The following MUCL3 variants were observed in gnomAD, a reference collection of about 807,000 sequenced individuals.
MUCL3 encodes the protein mucin-like protein 3.
MUCL3 carries 42 observed loss-of-function variants against 70.2 expected under a neutral mutation model. The observed-to-expected ratio is 0.60, with a 90% CI of 0.47 to 0.77. MUCL3 has a LOEUF of 0.77. Ranked by LOEUF, MUCL3 falls within the 30% of genes least tolerant of loss-of-function variation. The probability of loss-of-function intolerance (pLI) is 0.00; values close to 1 mark genes in which losing one functional copy is unlikely to be tolerated. For missense variants in MUCL3, 1,429 were observed against 1,670.0 expected, an observed-to-expected ratio of 0.86 and a Z score of 2.52; for synonymous variants, 522 against 647.0, an observed-to-expected ratio of 0.81 and a Z score of 2.93.
intron 1 of MUCL3, among the ~76,000 whole-genome samples, chr6:30,947,945 G>C (rs2150611961): frequency 6.6e-6 from 1 of 152,258 alleles, no homozygotes; most frequent in East Asian, 1.9e-4. Context: ...AGTTCTGCCA[G>C]AGGTCTTACC....
Position 30,948,809 on chromosome 6 carries a change from T to C in MUCL3, c.345T>C (p.His115=), listed in dbSNP as rs1296496530. The change falls in exon 2 of 3, where the codon CAT becomes CAC. Residue 115 remains histidine, a synonymous_variant. Coordinates refer to ENST00000462446, the MANE Select transcript of MUCL3 (RefSeq NM_080870.4). ...ACCACAAAAGCTCTACAGATAATCA[T>C]GAGGCTCCTCCCACTTCTGAAGAAA... is the stretch of plus-strand genomic sequence containing the variant. ...TIDHKSSTDN[H]EAPPTSEENS... is the part of the protein sequence containing the mutation. 5 of 1,551,642 alleles carry C rather than the reference T, an allele frequency of 3.2e-6. No individual in the cohort carries two copies. Among genetic ancestry groups the C allele is most frequent in the African/African-American group, 2.7e-5 (2 of 73,134 alleles).
At position 30,950,885 on chromosome 6, in the gene MUCL3, G is replaced by T; in HGVS notation, c.2421G>T (p.Arg807Ser). The T allele has an allele frequency of 6.5e-7, 1 of 1,546,234 alleles. No individual in the cohort carries two copies. The highest frequency in any genetic ancestry group is 1.2e-5 in the South Asian group (1 of 83,800). ...CAGAGCCTACAGAACACGCAGAAAG[G>T]ACTCCACTGGCCAATGAGAACACCA... is the stretch of plus-strand genomic sequence containing the variant. ...SSAEPTEHAE[R>S]TPLANENTTS... Residue 807 changes from arginine to serine, a missense_variant, in exon 2 of 3, where the codon AGG becomes AGT. By Grantham distance (110) the Arg-to-Ser change is moderately radical (BLOSUM62 -1). Transcript: ENST00000462446.
At position 30,948,702 on chromosome 6, in the gene MUCL3, A is replaced by G; in HGVS notation, c.238A>G (p.Ile80Val). 1 of 1,551,684 alleles carries G rather than the reference A, an allele frequency of 6.4e-7. No homozygotes were observed. Among genetic ancestry groups the G allele is most frequent in the African/African-American group, 1.4e-5 (1 of 73,138 alleles). Residue 80 changes from isoleucine (I) to valine (V), a missense_variant, in exon 2 of 3, where the codon ATC (isoleucine) becomes GTC (valine). Transcript: ENST00000462446. ...TCCAGAGCTCCCTAAATCTACAGAA[A>G]TCCATGAGCAAAAACGCCACTGCAA... ...RPPELPKSTE[I>V]HEQKRHCNTT...
At position 30,953,477 on chromosome 6, in the gene MUCL3, C is replaced by T. The variant is rs990880688; in HGVS notation, c.*360C>T. 3 of 268,530 alleles carry T rather than the reference C, an allele frequency of 1.1e-5. No individual in the cohort carries two copies. The highest frequency in any genetic ancestry group is 2.1e-5 in the Non-Finnish European group (3 of 141,564). The allele number at this position is 268,530 out of a possible 1,614,324, so 16.6% of individuals were successfully genotyped here. On this transcript the variant is annotated 3_prime_UTR_variant, in exon 3 of 3. Transcript: ENST00000462446. ...CCTTATAGGCAATGCCCCAGACTGA[C>T]TTGTGAGTGGGGTTTATGGGGAAAG...
chr6:30,948,376 G>C (rs879574464), intron 1 of MUCL3, among the ~76,000 whole-genome samples, 171 bp from the exon 2 acceptor site: 1 of 152,190 alleles, frequency 6.6e-6, no homozygotes, highest in African/African-American at 2.4e-5. Flanking sequence ...GGCACAGCCT[G>C]AGCCTAGGGG....
At position 30,949,312 on chromosome 6, in the gene MUCL3, C is replaced by T. The variant is rs1582257151; in HGVS notation, c.848C>T (p.Ala283Val). 1 of 1,551,782 alleles carries T rather than the reference C, an allele frequency of 6.4e-7. No homozygotes were observed. The highest frequency in any genetic ancestry group is 1.4e-5 in the African/African-American group (1 of 73,160). Residue 283 changes from alanine to valine, a missense_variant, in exon 2 of 3, where the codon GCA (alanine) becomes GTA (valine). Transcript: ENST00000462446. Reference protein sequence around the residue: ...ISANELTQSLAEPTEHGGRTA... With the variant: ...ISANELTQSLVEPTEHGGRTA... ...GCCAATGAGCTCACACAATCTCTAG[C>T]AGAGCCTACAGAACATGGAGGAAGG... is the stretch of plus-strand genomic sequence containing the variant.
intron 1 of MUCL3, among the ~76,000 whole-genome samples, chr6:30,947,239 T>G (rs1183764867): frequency 6.6e-6 from 1 of 152,156 alleles, no homozygotes; most frequent in Non-Finnish European, 1.5e-5. Flanking sequence ...ATTGGGACAG[T>G]GGAGTGCAGG....
chr6:30,950,781 A>G lies in MUCL3; in HGVS notation c.2317A>G (p.Thr773Ala). 1.9e-6 allele frequency: 3 copies of G among 1,549,480 alleles called. No homozygotes were observed. The highest frequency in any genetic ancestry group is 2.6e-6 in the Non-Finnish European group (3 of 1,146,736). The part of the protein sequence containing the change: ...GDRTPLANEK[T>A]TPSLAEPTEN... ...CAGGACTCCATTGGCCAATGAGAAG[A>G]CCACACCATCTCTAGCAGAGCCTAC... Residue 773 changes from threonine (T) to alanine (A), a missense_variant, in exon 2 of 3, where the codon ACC becomes GCC. Coordinates refer to ENST00000462446, the MANE Select transcript of MUCL3 (RefSeq NM_080870.4).
chr6:30,945,468 C>T (rs1305235431), intron 1 of MUCL3, among the ~76,000 whole-genome samples: 4 of 116,498 alleles, frequency 3.4e-5, no homozygotes, highest in Non-Finnish European at 3.5e-5. Context: ...TGAGACCCTG[C>T]GTCTTAAAAA....
In MUCL3 at chr6:30,950,532, A is replaced by C; in HGVS notation, c.2068A>C (p.Asn690His). 1.9e-6 allele frequency: 3 copies of C among 1,550,730 alleles called. No individual in the cohort carries two copies. Among genetic ancestry groups the C allele is most frequent in the Non-Finnish European group, 2.6e-6 (3 of 1,146,772 alleles). The stretch of plus-strand genomic sequence containing the variant: ...AAATGGACAAAGGACCCCATTTGCC[A>C]ATGAGAAAACCACATCATCCTCAGC... ...TENGQRTPFA[N>H]EKTTSSSAEP... Residue 690 changes from asparagine to histidine, a missense_variant, in exon 2 of 3, where the codon AAT (asparagine) becomes CAT (histidine). Transcript: ENST00000462446.
In MUCL3 at chr6:30,950,620, C is replaced by T; in HGVS notation, c.2156C>T (p.Ala719Val). 1.3e-6 allele frequency: 2 copies of T among 1,538,650 alleles called. No individual in the cohort carries two copies. The highest frequency in any genetic ancestry group is 1.8e-6 in the Non-Finnish European group (2 of 1,137,218). Reference protein sequence around the residue: ...LANENTTLSPAEPTENRERTA... With the variant: ...LANENTTLSPVEPTENRERTA... ...AATGAGAACACCACACTATCCCCAG[C>T]AGAGCCTACAGAAAATAGAGAAAGG... Residue 719 changes from alanine (A) to valine (V), a missense_variant, in exon 2 of 3, where the codon GCA (alanine) becomes GTA (valine). Ala to Val is a moderately conservative substitution (Grantham distance 64). Transcript: ENST00000462446.
chr6:30,949,094 C>T lies in MUCL3; in HGVS notation c.630C>T (p.Phe210=). Reference sequence around the variant, plus strand: ...GCTCACATAAGACTACAACTTCCTTCCACAACTCAGGCAATTCACAGACCA... The same window carrying T: ...GCTCACATAAGACTACAACTTCCTTTCACAACTCAGGCAATTCACAGACCA... ...STSSHKTTTS[F]HNSGNSQTKQ... The change falls in exon 2 of 3, where the codon TTC becomes TTT. Residue 210 remains phenylalanine, a synonymous_variant. Transcript: ENST00000462446. The T allele has an allele frequency of 6.4e-7, 1 of 1,550,908 alleles. No individual in the cohort carries two copies. The highest frequency in any genetic ancestry group is 8.7e-7 in the Non-Finnish European group (1 of 1,146,774).
intron 2 of MUCL3, 141 bp from the exon 3 acceptor site, chr6:30,952,830 G>T: frequency 8.6e-7 from 1 of 1,169,486 alleles, no homozygotes; most frequent in South Asian, 1.6e-5. Context: ...ATGGAGCTGG[G>T]ACTCATTGTA....
chr6:30,950,473 A>G lies in MUCL3; in HGVS notation c.2009A>G (p.Glu670Gly). 9.0e-6 allele frequency: 14 copies of G among 1,551,030 alleles called. No homozygotes were observed. The highest frequency in any genetic ancestry group is 1.2e-5 in the Non-Finnish European group (14 of 1,146,870). The stretch of plus-strand genomic sequence containing the variant: ...GAAAATAGAGAAAGGACAGCCAATG[A>G]GAAGACCACATCATCCCCAGCAGAG... The part of the protein sequence containing the change: ...PTENRERTAN[E>G]KTTSSPAEPT... Residue 670 changes from glutamate (E) to glycine (G), a missense_variant, in exon 2 of 3, where the codon GAG becomes GGG. Glu to Gly is a moderately conservative substitution (Grantham distance 98, BLOSUM62 -2). Coordinates refer to ENST00000462446, the MANE Select transcript of MUCL3 (RefSeq NM_080870.4).
At position 30,948,668 on chromosome 6, in the gene MUCL3, A is replaced by G. The variant is rs1760429325; in HGVS notation, c.204A>G (p.Gly68=). The change falls in exon 2 of 3, where the codon GGA becomes GGG. Residue 68 remains glycine (G), a synonymous_variant. Transcript: ENST00000462446. Reference sequence around the variant, plus strand: ...TTGATCACATTGTTCTGCATTCAGGACAAAGACCTCCAGAGCTCCCTAAAT... The same window carrying G: ...TTGATCACATTGTTCTGCATTCAGGGCAAAGACCTCCAGAGCTCCCTAAAT... ...IPFDHIVLHS[G]QRPPELPKST... 1 of 1,551,690 alleles carries G rather than the reference A, an allele frequency of 6.4e-7. No homozygotes were observed. Among genetic ancestry groups the G allele is most frequent in the Non-Finnish European group, 8.7e-7 (1 of 1,146,984 alleles).
Position 30,949,537 on chromosome 6 carries a change from C to T in MUCL3, c.1073C>T (p.Pro358Leu), listed in dbSNP as rs1293735650. 6.5e-7 allele frequency: 1 copy of T among 1,550,282 alleles called. No individual in the cohort carries two copies. Among genetic ancestry groups the T allele is most frequent in the African/African-American group, 1.4e-5 (1 of 72,562 alleles). ...GCCAATGAGAATACCACACTATTCC[C>T]AGCAGAGCCTACAGAACATGGAGAA... ...MTANENTTLF[P>L]AEPTEHGERT... Residue 358 changes from proline to leucine, a missense_variant, in exon 2 of 3, where the codon CCA becomes CTA. Transcript: ENST00000462446.
Position 30,951,806 on chromosome 6 carries a change from C to T in MUCL3, c.3342C>T (p.Pro1114=). The change falls in exon 2 of 3, where the codon CCC becomes CCT. Residue 1114 remains proline (P), a synonymous_variant. Coordinates refer to ENST00000462446, the MANE Select transcript of MUCL3 (RefSeq NM_080870.4). Reference sequence around the variant, plus strand: ...AACATGGAGAAAGGACCACATCACCCAATGACAAGATCACCTCATCTGCAG... The same window carrying T: ...AACATGGAGAAAGGACCACATCACCTAATGACAAGATCACCTCATCTGCAG... ...PTEHGERTTS[P]NDKITSSAAE... The T allele has an allele frequency of 6.4e-7, 1 of 1,568,276 alleles. No individual in the cohort carries two copies. Among genetic ancestry groups the T allele is most frequent in the Non-Finnish European group, 8.6e-7 (1 of 1,157,626 alleles).
In MUCL3 at chr6:30,941,180, G is replaced by A. The variant is rs1007635693; in HGVS notation, c.82+99G>A. On this transcript the variant is annotated intron_variant, in intron 1 of 2. Coordinates refer to ENST00000462446, the MANE Select transcript of MUCL3 (RefSeq NM_080870.4). ...AGAAATGAATGAAGGGGGCGGGCAC[G>A]GGGCTGCTACAGACAGTTGTCTAGA... The A allele has an allele frequency of 2.0e-5, 28 of 1,397,190 alleles. No homozygotes were observed. The African/African-American group carries it at 2.0e-4, about 10-fold the overall frequency. 86.5% of individuals were successfully genotyped at this position (1,397,190 alleles called of 1,614,324 possible). A position where few individuals can be genotyped will look rare whatever the true frequency, so the allele number is the denominator to read the frequency against.
chr6:30,947,537 T>G (rs1024300177), intron 1 of MUCL3, among the ~76,000 whole-genome samples: 1 of 151,980 alleles, frequency 6.6e-6, no homozygotes, highest in Non-Finnish European at 1.5e-5. Context: ...CTCTTTTGGC[T>G]AGGTATCAGA....
Sources: gnomAD v4.1 joint callset for allele counts (sites outside exome capture counted in the v4.1 genomes callset) on GRCh38, gnomAD v4.1.1 for gene constraint, MANE v1.5 for transcripts, NCBI Gene and HGNC (gene_info 2026-07-23, HGNC 2026-07-21) for gene names.